The following LRRC37A variants were observed in gnomAD, a reference collection of about 807,000 sequenced individuals.
LRRC37A encodes leucine rich repeat containing 37A.
Under a neutral mutation model 35.4 loss-of-function variants are expected in LRRC37A, and 3 were observed. The observed-to-expected ratio is 0.08, with a 90% CI of 0.04 to 0.22. LRRC37A has a LOEUF of 0.22. LRRC37A is among the 10% of genes least tolerant of loss of function. The pLI, the probability that LRRC37A is intolerant of heterozygous loss-of-function variation, is 1.00. For missense variants in LRRC37A, 67 were observed against 565.3 expected, an observed-to-expected ratio of 0.12 and a Z score of 8.94; for synonymous variants, 23 against 215.0, an observed-to-expected ratio of 0.11 and a Z score of 7.81.
the LRRC37A span, chr17:46,260,626 T>C: frequency 2.1e-6 from 2 of 971,868 alleles, no homozygotes; most frequent in African/African-American, 1.6e-5. Flanking sequence ...TTCTCTTTTT[T>C]TTTTTTTTTT....
chr17:46,267,043 A>C, the LRRC37A span: 45,386 of 231,760 alleles, frequency 0.2, 5,331 homozygotes, highest in Middle Eastern at 0.29. Context: ...TCAGCTTCAG[A>C]TTCGGCCTCA....
At chr17:46,251,171 A>G in the LRRC37A span, among the ~76,000 whole-genome samples, 8 of 152,120 alleles carry the variant, frequency 5.3e-5, no homozygotes, top group South Asian at 1.7e-3. Context: ...TGCTTACCTT[A>G]GTCCCGTGGT....
the LRRC37A span, among the ~76,000 whole-genome samples, chr17:46,283,166 A>C: frequency 6.6e-6 from 1 of 152,206 alleles, no homozygotes; most frequent in Non-Finnish European, 1.5e-5. Context: ...ACTGTAATAG[A>C]TACTATCAAT....
chr17:46,273,354 A>C, the LRRC37A span, among the ~76,000 whole-genome samples: 1 of 152,248 alleles, frequency 6.6e-6, no homozygotes, highest in South Asian at 2.1e-4. Context: ...TTGAGTGATT[A>C]GTCTCTTTAG....
the LRRC37A span, among the ~76,000 whole-genome samples, chr17:46,286,050 C>T: frequency 6.6e-6 from 1 of 152,182 alleles, no homozygotes; most frequent in Non-Finnish European, 1.5e-5. Context: ...AATGCAGCAC[C>T]CATGGTACCA....
upstream of LRRC37A, among the ~76,000 whole-genome samples, chr17:46,292,037 G>C (rs1379013446): frequency 3.0e-5 from 4 of 135,232 alleles, no homozygotes; most frequent in Non-Finnish European, 4.8e-5. Flanking sequence ...TGAAATTATA[G>C]AGCAATTTGA....
chr17:46,260,086 C>A, the LRRC37A span: 1 of 1,593,510 alleles, frequency 6.3e-7, no homozygotes, highest in Middle Eastern at 2.2e-4. Flanking sequence ...GGGCGCAGGT[C>A]CGGGGCTGGG....
chr17:46,319,212 A>ATTTTTTTTTTTTTTTTTTTTTTTTTTTTT (rs1225879085), intron 5 of LRRC37A, among the ~76,000 whole-genome samples: 3 of 1,640 alleles, frequency 1.8e-3, no homozygotes, highest in African/African-American at 5.0e-3. Flanking sequence ...ATTGTGGTCA[A>ATTTTTTTTTTTTTTTTTTTTTTTTTTTTT]TTTTTTTTTT....
chr17:46,286,560 A>G, the LRRC37A span, among the ~76,000 whole-genome samples: 2 of 152,260 alleles, frequency 1.3e-5, no homozygotes, highest in Admixed American at 1.3e-4. Context: ...TGAAGAATCA[A>G]ATCTACCATT....
the LRRC37A span, among the ~76,000 whole-genome samples, chr17:46,258,221 T>C: frequency 3.3e-5 from 5 of 151,100 alleles, no homozygotes; most frequent in African/African-American, 9.7e-5. Context: ...AAGAGATTCT[T>C]TTTTTTTTGA....
At chr17:46,298,891 T>C (rs1598098722) in intron 1 of LRRC37A, among the ~76,000 whole-genome samples, 1 of 38,674 alleles carries the variant, frequency 2.6e-5, no homozygotes, top group Non-Finnish European at 9.8e-5. Flanking sequence ...AGCTAAAACT[T>C]TACTTGGGTC....
chr17:46,288,831 G>A (rs987037721), upstream of LRRC37A, among the ~76,000 whole-genome samples: 18 of 151,118 alleles, frequency 1.2e-4, no homozygotes, highest in African/African-American at 4.1e-4. Context: ...AGCCTCCCAA[G>A]TACCTAGGAC....
chr17:46,286,573 A>G, the LRRC37A span, among the ~76,000 whole-genome samples: 1 of 152,230 alleles, frequency 6.6e-6, no homozygotes, highest in African/African-American at 2.4e-5. Context: ...CTACCATTAA[A>G]CCACATTTTC....
In LRRC37A at chr17:46,307,862, A is replaced by C. The variant is rs1246492333; in HGVS notation, c.2906+1553A>C. ...ACCTGTCTCTACTAAAAATACAAAA[A>C]TTAGGTGGGCATGGTGACAGGCAAC... On this transcript the variant is annotated intron_variant, in intron 5 of 13. Transcript: ENST00000320254. 1.0e-4 allele frequency among the ~76,000 whole-genome samples: 8 copies of C among 77,694 alleles called. 3 individuals are homozygous for C. In the Admixed American group the frequency reaches 1.1e-3, roughly 10 times the overall value. 51.0% of individuals were successfully genotyped at this position (77,694 alleles called of 152,430 possible). A position where few individuals can be genotyped will look rare whatever the true frequency, so the allele number is the denominator to read the frequency against.
chr17:46,250,739 A>G, the LRRC37A span, among the ~76,000 whole-genome samples: 2 of 152,298 alleles, frequency 1.3e-5, no homozygotes, highest in South Asian at 4.1e-4. Flanking sequence ...CCTCTAGAGA[A>G]CCCTGACTAA....
At chr17:46,248,842 A>G in the LRRC37A span, among the ~76,000 whole-genome samples, 4 of 151,916 alleles carry the variant, frequency 2.6e-5, no homozygotes, top group Non-Finnish European at 1.5e-5. Context: ...TTATTTTTTG[A>G]AATTATGCTG....
At chr17:46,267,697 C>T in the LRRC37A span, among the ~76,000 whole-genome samples, 18,482 of 151,962 alleles carry the variant, frequency 0.12, no homozygotes, top group Non-Finnish European at 0.18. Flanking sequence ...ATTTAAGCAC[C>T]GTCAGCCCCA....
chr17:46,285,044 T>G, the LRRC37A span, among the ~76,000 whole-genome samples: 18,013 of 151,534 alleles, frequency 0.12, no homozygotes, highest in Non-Finnish European at 0.18. Context: ...TTTATTTTTA[T>G]TTTTTGTAGA....
chr17:46,259,088 T>G, the LRRC37A span, among the ~76,000 whole-genome samples: 1 of 126,734 alleles, frequency 7.9e-6, no homozygotes, highest in East Asian at 2.3e-4. Flanking sequence ...ACAACCAGCA[T>G]AGAAAGACCC....
Sources: allele counts gnomAD v4.1 joint callset (sites outside exome capture counted in the v4.1 genomes callset), GRCh38; gene constraint gnomAD v4.1.1; transcripts MANE v1.5; gene names NCBI Gene and HGNC (gene_info 2026-07-23, HGNC 2026-07-21).